The following MAP2K5 variants were observed in gnomAD, a reference collection of about 807,000 sequenced individuals.
The protein encoded by MAP2K5 is mitogen-activated protein kinase kinase 5.
In MAP2K5, 49 loss-of-function variants were observed where a neutral mutation model predicts 83.1. That is an observed-to-expected ratio of 0.59 (90% CI 0.47 to 0.75). MAP2K5 has a LOEUF of 0.75. Ranked by LOEUF, MAP2K5 falls within the 30% of genes least tolerant of loss-of-function variation. The probability of loss-of-function intolerance (pLI) is 0.00; values close to 1 mark genes in which losing one functional copy is unlikely to be tolerated. For synonymous variants in MAP2K5, 202 were observed against 191.8 expected (o/e 1.05, Z -0.44); for missense variants, 457 against 557.5 (o/e 0.82, Z 1.82).
intron 19 of MAP2K5, among the ~76,000 whole-genome samples, chr15:67,766,178 G>C (rs898060641): frequency 2.0e-5 from 3 of 152,192 alleles, no homozygotes; most frequent in African/African-American, 7.2e-5. Flanking sequence ...TTGCCTGCTT[G>C]ATAACAAGAC....
chr15:67,766,820 G>A (rs2090050154), intron 19 of MAP2K5, among the ~76,000 whole-genome samples: 1 of 152,196 alleles, frequency 6.6e-6, no homozygotes, highest in South Asian at 2.1e-4. Context: ...CTTCTGTGGA[G>A]TTGGAGGCTC....
chr15:67,679,583 A>G (rs2141181723), intron 13 of MAP2K5: 1 of 152,272 alleles, frequency 6.6e-6, no homozygotes, highest in Admixed American at 6.5e-5. Context: ...TTCTTTAAAT[A>G]TTTGTAATTG....
chr15:67,615,825 A>G (rs1160667606), intron 8 of MAP2K5, among the ~76,000 whole-genome samples: 1 of 152,146 alleles, frequency 6.6e-6, no homozygotes, highest in African/African-American at 2.4e-5. Flanking sequence ...AAGGTACTAA[A>G]AGATTTTTGT....
At chr15:67,576,533 C>T (rs2085068434) in intron 3 of MAP2K5, among the ~76,000 whole-genome samples, 1 of 147,674 alleles carries the variant, frequency 6.8e-6, no homozygotes, top group African/African-American at 2.5e-5. Flanking sequence ...TTTTGAAGAA[C>T]AGCTCAGAGG....
chr15:67,768,481 C>T lies in MAP2K5; in HGVS notation c.1135-1121C>T, dbSNP rs1012421267. Among the ~76,000 whole-genome samples the T allele has an allele frequency of 2.6e-5, 4 of 152,146 alleles. No homozygotes were observed. Among genetic ancestry groups the T allele is most frequent in the African/African-American group, 7.2e-5 (3 of 41,430 alleles). ...CATGCTCTGAGTTTCTTGCCTGCAGCGCTGGAAGGTTGTATGTAATGATAT... is the reference window on the plus strand; with the variant it reads ...CATGCTCTGAGTTTCTTGCCTGCAGTGCTGGAAGGTTGTATGTAATGATAT... On this transcript the variant is annotated intron_variant, in intron 19 of 21. Transcript: ENST00000178640. This position sits in a 1 kb window ranked among gnomAD's most constrained non-coding sequence, Gnocchi z 4.0.
chr15:67,654,209 G>A (rs1303763151), intron 11 of MAP2K5, among the ~76,000 whole-genome samples: 4 of 152,028 alleles, frequency 2.6e-5, no homozygotes, highest in Admixed American at 6.6e-5. Context: ...TTGGCACTCC[G>A]TTGTTAGGTC....
chr15:67,587,143 C>T lies in MAP2K5; in HGVS notation c.431+230C>T, dbSNP rs898876299. 2.6e-5 allele frequency among the ~76,000 whole-genome samples: 4 copies of T among 152,018 alleles called. No homozygotes were observed. Among genetic ancestry groups the T allele is most frequent in the Non-Finnish European group, 5.9e-5 (4 of 68,002 alleles). The stretch of plus-strand genomic sequence containing the variant: ...TTTGACCTGAAGAAGCAGAGAAGGG[C>T]GTTTCAGACGGAGGGAAGAGGGTAG... On this transcript the variant is annotated intron_variant, in intron 6 of 21. Coordinates refer to ENST00000178640, the MANE Select transcript of MAP2K5 (RefSeq NM_145160.3). This position sits in a 1 kb window ranked among gnomAD's most constrained non-coding sequence, Gnocchi z 4.8.
chr15:67,737,168 C>T (rs929024418), intron 17 of MAP2K5, among the ~76,000 whole-genome samples: 2 of 152,172 alleles, frequency 1.3e-5, no homozygotes, highest in Non-Finnish European at 2.9e-5. Flanking sequence ...GGTGTGTCTG[C>T]AGAGATGAAA....
chr15:67,602,568 A>G (rs1424035346), intron 8 of MAP2K5, among the ~76,000 whole-genome samples: 1 of 152,212 alleles, frequency 6.6e-6, no homozygotes, highest in African/African-American at 2.4e-5. Flanking sequence ...GAAGCATAAG[A>G]CCATGAAACC....
chr15:67,661,759 G>A (rs550185092), intron 12 of MAP2K5, among the ~76,000 whole-genome samples: 8 of 152,136 alleles, frequency 5.3e-5, no homozygotes, highest in African/African-American at 1.9e-4. Context: ...TTAGTGGTGA[G>A]CTATCTTTAA....
rs2084534569 is a variant in MAP2K5, at chr15:67,552,612, T to G, written c.184+2530T>G. 1.3e-5 allele frequency among the ~76,000 whole-genome samples: 2 copies of G among 152,082 alleles called. No homozygotes were observed. Among genetic ancestry groups the G allele is most frequent in the Admixed American group, 1.3e-4 (2 of 15,258 alleles). On this transcript the variant is annotated intron_variant, in intron 2 of 21. Transcript: ENST00000178640. This position sits in a 1 kb window ranked among gnomAD's most constrained non-coding sequence, Gnocchi z 4.2. ...TCCACACCTAGCTAATTAAAAAAAT[T>G]TTTTTGTAGAAACGGGGTCTTGCTG...
intron 8 of MAP2K5, chr15:67,629,139 T>C (rs1476936239): frequency 1.4e-6 from 1 of 725,824 alleles, no homozygotes; most frequent in East Asian, 2.6e-5. Flanking sequence ...ATTTTAATTA[T>C]TGCCAGGAAA....
rs549647056 is a variant in MAP2K5, at chr15:67,757,043, C to T, written c.1134+8442C>T. Among the ~76,000 whole-genome samples, 1 of 152,124 alleles carries T rather than the reference C, an allele frequency of 6.6e-6. No individual in the cohort carries two copies. The highest frequency in any genetic ancestry group is 1.9e-4 in the East Asian group (1 of 5,184). On this transcript the variant is annotated intron_variant, in intron 19 of 21. Transcript: ENST00000178640. This position sits in a 1 kb window ranked among gnomAD's most constrained non-coding sequence, Gnocchi z 4.9. ...TCTCTTCAGGATAGTGATTTATTTCCTTTAGATATACACCGAGAAGTTGGA... is the reference window on the plus strand; with the variant it reads ...TCTCTTCAGGATAGTGATTTATTTCTTTTAGATATACACCGAGAAGTTGGA...
At chr15:67,716,357 T>C (rs1566939868) in intron 16 of MAP2K5, among the ~76,000 whole-genome samples, 2 of 151,926 alleles carry the variant, frequency 1.3e-5, no homozygotes. Context: ...AGAAAATAAA[T>C]AAACAAACAG....
chr15:67,607,554 C>T (rs2085806849), intron 8 of MAP2K5, among the ~76,000 whole-genome samples: 1 of 152,200 alleles, frequency 6.6e-6, no homozygotes, highest in African/African-American at 2.4e-5. Flanking sequence ...CAGGATGTCA[C>T]AGGTCGCTGA....
chr15:67,773,554 G>T (rs763733118), intron 21 of MAP2K5, among the ~76,000 whole-genome samples: 2 of 151,962 alleles, frequency 1.3e-5, no homozygotes, highest in African/African-American at 2.4e-5. Context: ...AGAGGTTTTC[G>T]TCCTTTGTAT....
Position 67,782,968 on chromosome 15 carries a change from G to A in MAP2K5, c.1242+10216G>A, listed in dbSNP as rs576625450. Among the ~76,000 whole-genome samples the A allele has an allele frequency of 6.6e-6, 1 of 152,382 alleles. No homozygotes were observed. Among genetic ancestry groups the A allele is most frequent in the Admixed American group, 6.5e-5 (1 of 15,314 alleles). ...CTGCATCATCTGGAAAGTGGGTTAA[G>A]CACCGAAGGAAGGTGTAAGGATGGC... On this transcript the variant is annotated intron_variant, in intron 21 of 21. Coordinates refer to ENST00000178640, the MANE Select transcript of MAP2K5 (RefSeq NM_145160.3). This position sits in a 1 kb window ranked among gnomAD's most constrained non-coding sequence, Gnocchi z 4.9.
At chr15:67,601,462 A>T (rs973468307) in intron 8 of MAP2K5, among the ~76,000 whole-genome samples, 1 of 152,200 alleles carries the variant, frequency 6.6e-6, no homozygotes, top group African/African-American at 2.4e-5. Context: ...ACTAGGAATT[A>T]AAAAATCCAT....
At chr15:67,589,569 C>T (rs1369652490) in intron 6 of MAP2K5, among the ~76,000 whole-genome samples, 2 of 152,154 alleles carry the variant, frequency 1.3e-5, no homozygotes, top group East Asian at 1.9e-4. Flanking sequence ...TTAGGAATCA[C>T]GTTTTATTTC....
Sources: gnomAD v4.1 joint callset for allele counts (sites outside exome capture counted in the v4.1 genomes callset) on GRCh38, gnomAD v4.1.1 for gene constraint, Gnocchi (gnomAD v3.1) non-coding constraint, MANE v1.5 for transcripts, NCBI Gene and HGNC (gene_info 2026-07-23, HGNC 2026-07-21) for gene names.